KCNT1: variants seen among roughly 807,000 people sequenced by gnomAD.
KCNT1 encodes the protein potassium channel subfamily T member 1.
A neutral mutation model predicts 147.8 loss-of-function variants in KCNT1; 78 were observed. The observed-to-expected ratio is 0.53, with a 90% confidence interval of 0.44 to 0.64. KCNT1 has a LOEUF of 0.64. Among genes scored for constraint, KCNT1 ranks in the 30% least tolerant of loss-of-function variants. The pLI is 0.00. For missense variants in KCNT1, 1,419 were observed against 1,750.3 expected (o/e 0.81, Z 3.38); for synonymous variants, 867 against 748.8 (o/e 1.16, Z -2.58).
rs568160900 is a variant in KCNT1 at position 135,777,278 on chromosome 9, C to T, written c.2350-60C>T. ...GTTTGGTGAGGGGTCTGGGAGGGCTCCAGTGGCCAGCAGGAACCACAGCCC... is the reference window on the plus strand; with the variant it reads ...GTTTGGTGAGGGGTCTGGGAGGGCTTCAGTGGCCAGCAGGAACCACAGCCC... On this transcript the variant is annotated intron_variant, in intron 20 of 30. Coordinates refer to ENST00000371757, the MANE Select transcript of KCNT1 (RefSeq NM_020822.3). 338 of 1,555,044 alleles carry T rather than the reference C, an allele frequency of 2.2e-4. 2 individuals are homozygous for T. In the African/African-American group the frequency reaches 4.1e-3, roughly 19 times the overall value.
At chr9:135,778,560 T>C (rs1240904558) in intron 22 of KCNT1, 65 bp downstream of exon 22, 21 of 1,603,860 alleles carry the variant, frequency 1.3e-5, no homozygotes, top group Non-Finnish European at 1.8e-5. Context: ...TCTTCCAAAG[T>C]CTGGGGTGAC....
In KCNT1 at chr9:135,759,747, G is replaced by C; in HGVS notation, c.923G>C (p.Cys308Ser). Residue 308 changes from cysteine to serine, a missense_variant, in exon 11 of 31, where the codon TGC becomes TCC. Cys to Ser is a moderately radical substitution (Grantham distance 112). This residue lies in a region of KCNT1 where 401 missense variants were observed against 610.6 expected (regional missense o/e 0.66). Transcript: ENST00000371757. ...TCCCTCCTGACCTCCTTCTACTTCT[G>C]CATCGTCACCTTCTCCACCGTGGGC... ...NLSLLTSFYF[C>S]IVTFSTVGYG... 6.2e-7 allele frequency: 1 copy of C among 1,613,572 alleles called. No homozygotes were observed. The highest frequency in any genetic ancestry group is 8.5e-7 in the Non-Finnish European group (1 of 1,179,836).
chr9:135,713,076 G>A lies in KCNT1; in HGVS notation c.111-1501G>A, dbSNP rs185642260. ...GAGGCCAGGAGGAGGAACCAGAGCC[G>A]CTCAAAAGGCAGACGGGGTGGGGAC... is the stretch of plus-strand genomic sequence containing the variant. On this transcript the variant is annotated intron_variant, in intron 1 of 30. Coordinates refer to ENST00000371757, the MANE Select transcript of KCNT1 (RefSeq NM_020822.3). Among the ~76,000 whole-genome samples, 879 of 152,328 alleles carry A rather than the reference G, an allele frequency of 5.8e-3. 5 individuals carry two copies. The highest frequency in any genetic ancestry group is 0.034 in the Middle Eastern group (10 of 294).
At chr9:135,769,817 C>A in intron 15 of KCNT1, 130 bp from the exon 16 acceptor site, 1 of 662,312 alleles carries the variant, frequency 1.5e-6, no homozygotes. Flanking sequence ...GATGCTGAAG[C>A]CGGACAGCAG....
intron 24 of KCNT1, among the ~76,000 whole-genome samples, chr9:135,781,580 C>T (rs1235757413): frequency 6.6e-6 from 1 of 151,138 alleles, no homozygotes; most frequent in Non-Finnish European, 1.5e-5. Flanking sequence ...ACATTAATGC[C>T]AATTTATTAT....
chr9:135,757,314 T>C lies in KCNT1; in HGVS notation c.692T>C (p.Leu231Pro). The change falls in exon 9 of 31, where the codon CTG becomes CCG. Residue 231 changes from leucine to proline, a missense_variant. Coordinates refer to ENST00000371757, the MANE Select transcript of KCNT1 (RefSeq NM_020822.3). Reference sequence around the variant, plus strand: ...CCTTCACAGATCTTCTGGCCGCCGCTGCGGAACCTGTTCATCCCCGTCTTT... The same window carrying C: ...CCTTCACAGATCTTCTGGCCGCCGCCGCGGAACCTGTTCATCCCCGTCTTT... ...PFIITIFWPP[L>P]RNLFIPVFLN... The C allele has an allele frequency of 1.2e-6, 2 of 1,612,324 alleles. No individual in the cohort carries two copies. The highest frequency in any genetic ancestry group is 1.7e-6 in the Non-Finnish European group (2 of 1,179,974).
intron 2 of KCNT1, among the ~76,000 whole-genome samples, chr9:135,727,336 CCT>C (rs1481203324): frequency 2.7e-5 from 3 of 113,204 alleles, no homozygotes; most frequent in Non-Finnish European, 5.5e-5. Context: ...TCTCTCCCTC[CCT>C]CTTTCTCCCT....
chr9:135,765,710 C>A lies in KCNT1; in HGVS notation c.1287C>A (p.Val429=), dbSNP rs760520000. 2 of 1,602,746 alleles carry A rather than the reference C, an allele frequency of 1.2e-6. No individual in the cohort carries two copies. The highest frequency in any genetic ancestry group is 1.3e-5 in the African/African-American group (1 of 74,726). ...VLQIPLWSQR[V]IYLQGSALKD... ...AGATCCCTCTGTGGTCCCAGCGGGT[C>A]ATCTACCTCCAGGGCTCTGCACTCA... The change falls in exon 13 of 31, where the codon GTC becomes GTA. Residue 429 remains valine (V), a synonymous_variant. Transcript: ENST00000371757.
chr9:135,792,034 C>T lies in KCNT1; in HGVS notation c.3588-7C>T. On this transcript the variant is annotated splice_polypyrimidine_tract_variant and splice_region_variant and intron_variant, in intron 30 of 30. Coordinates refer to ENST00000371757, the MANE Select transcript of KCNT1 (RefSeq NM_020822.3). ...TCCACTCCAGGGTCCTCTGTGCCCT[C>T]CCGCAGCTATCTCATCCGCTCCGAC... 1 of 1,603,936 alleles carries T rather than the reference C, an allele frequency of 6.2e-7. No individual in the cohort carries two copies. Among genetic ancestry groups the T allele is most frequent in the Non-Finnish European group, 8.5e-7 (1 of 1,179,390 alleles).
At chr9:135,704,937 C>T (rs1200881679) in intron 1 of KCNT1, among the ~76,000 whole-genome samples, 6 of 152,308 alleles carry the variant, frequency 3.9e-5, no homozygotes, top group Admixed American at 3.9e-4. Context: ...GGAGTGGCCA[C>T]AGTAACAGCT....
intron 2 of KCNT1, among the ~76,000 whole-genome samples, chr9:135,737,754 CCCT>C (rs958994446): frequency 6.6e-6 from 1 of 152,200 alleles, no homozygotes; most frequent in African/African-American, 2.4e-5. Context: ...TCTCCCTTAC[CCCT>C]CCTACCTGGC....
At chr9:135,782,113 A>G (rs1833651767) in intron 24 of KCNT1, among the ~76,000 whole-genome samples, 1 of 152,194 alleles carries the variant, frequency 6.6e-6, no homozygotes, top group African/African-American at 2.4e-5. Context: ...CTAGGGCAGG[A>G]GAATTGTTTG....
rs576099213 is a variant in KCNT1, at chr9:135,784,778, C to T, written c.3045C>T (p.Gly1015=). The change falls in exon 27 of 31, where the codon GGC becomes GGT. Residue 1015 remains glycine (G), a synonymous_variant. Coordinates refer to ENST00000371757, the MANE Select transcript of KCNT1 (RefSeq NM_020822.3). ...GYLCAMKITE[G]DLWIRTYGRL... is the part of the protein sequence containing the mutation. ...CCCTGCAGATGAAAATCACCGAGGGCGACCTGTGGATCCGCACGTACGGCC... is the reference window on the plus strand; with the variant it reads ...CCCTGCAGATGAAAATCACCGAGGGTGACCTGTGGATCCGCACGTACGGCC... 9.9e-5 allele frequency: 159 copies of T among 1,612,640 alleles called. 2 individuals are homozygous for T. In the South Asian group the frequency reaches 1.4e-3, roughly 14 times the overall value.
chr9:135,793,453 A>AC lies in KCNT1; in HGVS notation c.*1296dup, dbSNP rs1346074212. 1.3e-5 allele frequency: 2 copies of AC among 152,008 alleles called. No homozygotes were observed. The highest frequency in any genetic ancestry group is 1.3e-4 in the Admixed American group (2 of 15,254). The allele number at this position is 152,008 out of a possible 1,614,324, so 9.4% of individuals were successfully genotyped here. ...GCATGTCCCTGGGGTGGGCACAGAG[A>AC]CCCCAGGCTCTGCCCGCAGTGGCAC... On this transcript the variant is annotated 3_prime_UTR_variant, in exon 31 of 31. Coordinates refer to ENST00000371757, the MANE Select transcript of KCNT1 (RefSeq NM_020822.3).
At chr9:135,783,973 C>A in intron 24 of KCNT1, 51 bp from the exon 25 acceptor site, 2 of 1,455,598 alleles carry the variant, frequency 1.4e-6, no homozygotes, top group Non-Finnish European at 1.9e-6. Flanking sequence ...GCTGCCGTGC[C>A]ACTGGAGGGA....
intron 11 of KCNT1, among the ~76,000 whole-genome samples, chr9:135,761,649 C>T (rs1459597411): frequency 8.5e-5 from 13 of 152,260 alleles, no homozygotes; most frequent in Non-Finnish European, 1.8e-4. Context: ...TGGTCCGCCC[C>T]GGCCCACACT....
chr9:135,717,442 G>A (rs147338254), intron 2 of KCNT1, among the ~76,000 whole-genome samples: 2,782 of 152,252 alleles, frequency 0.018, 37 homozygotes, highest in Non-Finnish European at 0.028. Flanking sequence ...GATCTGGAAG[G>A]TGGGGGGCTG....
chr9:135,765,099 G>T lies in KCNT1; in HGVS notation c.1104G>T (p.Ala368=), dbSNP rs146032445. The T allele has an allele frequency of 6.2e-7, 1 of 1,613,498 alleles. No individual in the cohort carries two copies. The highest frequency in any genetic ancestry group is 1.1e-5 in the South Asian group (1 of 91,088). Residue 368 remains alanine (A), a synonymous_variant, in exon 12 of 31, where the codon GCG becomes GCT. Coordinates refer to ENST00000371757, the MANE Select transcript of KCNT1 (RefSeq NM_020822.3). The part of the protein sequence containing the change: ...KSGGNYSRHR[A]QTEKHVVLCV... ...GGGGCAACTACAGCCGCCACCGTGC[G>T]CAGACGGAGAAGCACGTGGTCCTGT...
intron 29 of KCNT1, among the ~76,000 whole-genome samples, chr9:135,788,602 C>T (rs1431632113): frequency 1.3e-5 from 2 of 152,190 alleles, no homozygotes; most frequent in Non-Finnish European, 1.5e-5. Context: ...CAGAGGGTCC[C>T]GAGCCAGGGC....
Sources: gnomAD v4.1 joint callset for allele counts (sites outside exome capture counted in the v4.1 genomes callset) on GRCh38, gnomAD v4.1.1 for gene constraint, gnomAD v4.1.1 regional missense constraint, MANE v1.5 for transcripts, NCBI Gene and HGNC (gene_info 2026-07-23, HGNC 2026-07-21) for gene names.